The following RHOT1 variants were observed in gnomAD, a reference collection of about 807,000 sequenced individuals.
RHOT1 encodes mitochondrial Rho GTPase 1.
In RHOT1, 27 loss-of-function variants were observed where a neutral mutation model predicts 95.3. The observed-to-expected ratio is 0.28, with a 90% CI of 0.21 to 0.39. The LOEUF (loss-of-function observed/expected upper bound fraction) is 0.39. Ranked by LOEUF, RHOT1 falls within the 10% of genes least tolerant of loss-of-function variation. The pLI is 1.00. For synonymous variants in RHOT1, 227 were observed against 263.5 expected (o/e 0.86, Z 1.34); for missense variants, 578 against 786.7 (o/e 0.73, Z 3.17).
At chr17:32,158,028 G>A (rs2033139479) in intron 1 of RHOT1, among the ~76,000 whole-genome samples, 1 of 152,090 alleles carries the variant, frequency 6.6e-6, no homozygotes, top group Non-Finnish European at 1.5e-5. Flanking sequence ...GCTAGTTTTT[G>A]TATTTCTTAT....
intron 1 of RHOT1, among the ~76,000 whole-genome samples, chr17:32,149,591 C>CTATATATATATA (rs1162059092): frequency 6.1e-4 from 32 of 52,686 alleles, no homozygotes; most frequent in Admixed American, 1.1e-3. Context: ...CCCAGCAGTT[C>CTATATATATATA]TATATATATA....
At chr17:32,208,387 C>T (rs58319842) in intron 18 of RHOT1, 78 bp downstream of exon 18, 1 of 1,319,382 alleles carries the variant, frequency 7.6e-7, no homozygotes, top group South Asian at 1.2e-5. Flanking sequence ...AAGGGAATAT[C>T]TTTGTCACAT....
intron 1 of RHOT1, among the ~76,000 whole-genome samples, chr17:32,147,545 C>T (rs1452754669): frequency 1.3e-5 from 2 of 151,904 alleles, no homozygotes; most frequent in Non-Finnish European, 1.5e-5. Flanking sequence ...TTAAACTGGC[C>T]GGGCGCGGTG....
chr17:32,218,819 A>G (rs2038650429), intron 19 of RHOT1, among the ~76,000 whole-genome samples: 2 of 152,252 alleles, frequency 1.3e-5, no homozygotes, highest in African/African-American at 4.8e-5. Flanking sequence ...GTCTCTGAAT[A>G]AATAAATAAA....
chr17:32,204,637 A>T (rs2037572302), intron 16 of RHOT1, among the ~76,000 whole-genome samples: 1 of 149,144 alleles, frequency 6.7e-6, no homozygotes, highest in African/African-American at 2.6e-5. Flanking sequence ...AAAAAAATTA[A>T]AAAAAAAATT....
intron 18 of RHOT1, chr17:32,209,529 T>C: frequency 4.9e-6 from 4 of 820,422 alleles, no homozygotes; most frequent in Non-Finnish European, 8.0e-6. Context: ...CTTGCCATAA[T>C]TAACATTTAG....
At chr17:32,193,321 A>G in intron 10 of RHOT1, 77 bp downstream of exon 10, 1 of 855,970 alleles carries the variant, frequency 1.2e-6, no homozygotes, top group African/African-American at 1.7e-5. Flanking sequence ...TCTTTATTGC[A>G]TTATTTATAC....
intron 5 of RHOT1, 21 bp from the exon 6 acceptor site, chr17:32,176,140 G>T: frequency 2.5e-6 from 4 of 1,608,408 alleles, no homozygotes; most frequent in Non-Finnish European, 3.4e-6. Context: ...ATGGCTAAGC[G>T]CTTGTTAATT....
chr17:32,190,888 C>T (rs868482136), intron 8 of RHOT1, among the ~76,000 whole-genome samples: 10 of 152,124 alleles, frequency 6.6e-5, no homozygotes, highest in African/African-American at 2.2e-4. Context: ...CTCTGCCTCC[C>T]GGGTTCAAGC....
chr17:32,152,419 A>T (rs560191559), intron 1 of RHOT1, among the ~76,000 whole-genome samples: 1 of 152,354 alleles, frequency 6.6e-6, no homozygotes, highest in East Asian at 1.9e-4. Flanking sequence ...TCCATGGGAA[A>T]AGCAGAAGGA....
At position 32,199,516 on chromosome 17, in the gene RHOT1, T is replaced by C. The variant is rs1264906557; in HGVS notation, c.1066T>C (p.Trp356Arg). ...CACAGTTTGTACCAATGAAAGAGGC[T>C]GGATAACCTACCAGGGATTCCTTTC... is the stretch of plus-strand genomic sequence containing the variant. ...NNTVCTNERG[W>R]ITYQGFLSQW... Residue 356 changes from tryptophan (W) to arginine (R), a missense_variant, in exon 13 of 20, where the codon TGG (tryptophan) becomes CGG (arginine). Physicochemically the swap from Trp to Arg is moderately radical, Grantham distance 101. Coordinates refer to ENST00000545287, the MANE Select transcript of RHOT1 (RefSeq NM_001033566.3). The C allele has an allele frequency of 1.2e-6, 2 of 1,612,318 alleles. No homozygotes were observed. The highest frequency in any genetic ancestry group is 1.7e-6 in the Non-Finnish European group (2 of 1,179,648).
intron 9 of RHOT1, among the ~76,000 whole-genome samples, chr17:32,192,786 C>G (rs2036595046): frequency 6.6e-6 from 1 of 152,050 alleles, no homozygotes; most frequent in Non-Finnish European, 1.5e-5. Context: ...ATTCTCCTGC[C>G]TCAGCCTCCC....
At chr17:32,149,129 C>T (rs771934422) in intron 1 of RHOT1, among the ~76,000 whole-genome samples, 2 of 152,064 alleles carry the variant, frequency 1.3e-5, no homozygotes, top group Non-Finnish European at 2.9e-5. Flanking sequence ...GACCATTAGT[C>T]GGTTGGCTAA....
intron 19 of RHOT1, among the ~76,000 whole-genome samples, chr17:32,222,224 T>A (rs2038878481): frequency 6.6e-6 from 1 of 152,236 alleles, no homozygotes; most frequent in Admixed American, 6.5e-5. Context: ...CTGCATTGAC[T>A]TGGAGTTGTA....
intron 1 of RHOT1, among the ~76,000 whole-genome samples, chr17:32,153,139 T>G (rs2032533920): frequency 6.6e-6 from 1 of 151,506 alleles, no homozygotes; most frequent in African/African-American, 2.4e-5. Context: ...AAAAGGTAGG[T>G]TTTTTTTTCT....
chr17:32,154,940 G>A (rs1158243732), intron 1 of RHOT1, among the ~76,000 whole-genome samples: 1 of 151,528 alleles, frequency 6.6e-6, no homozygotes, highest in Non-Finnish European at 1.5e-5. Context: ...AATTAGCTGA[G>A]TGACGGAGTG....
chr17:32,171,197 C>A, intron 2 of RHOT1, 96 bp downstream of exon 2: 1 of 833,520 alleles, frequency 1.2e-6, no homozygotes, highest in Non-Finnish European at 1.9e-6. Context: ...GTGTTATGTG[C>A]TTCCTTTTGG....
intron 2 of RHOT1, among the ~76,000 whole-genome samples, chr17:32,171,891 G>A (rs953654235): frequency 6.6e-6 from 1 of 152,160 alleles, no homozygotes; most frequent in African/African-American, 2.4e-5. Flanking sequence ...TAATAGCAGG[G>A]AAGTGCCACC....
Position 32,224,789 on chromosome 17 carries a change from T to G in RHOT1, c.*56T>G. ...CAAATACTTTTATGTACATTCTGAATGCTTTAAGTTCTGCTAGAATTATTG... is the reference window on the plus strand; with the variant it reads ...CAAATACTTTTATGTACATTCTGAAGGCTTTAAGTTCTGCTAGAATTATTG... On this transcript the variant is annotated 3_prime_UTR_variant, in exon 20 of 20. Coordinates refer to ENST00000545287, the MANE Select transcript of RHOT1 (RefSeq NM_001033566.3). 3 of 1,013,820 alleles carry G rather than the reference T, an allele frequency of 3.0e-6. No homozygotes were observed. Among genetic ancestry groups the G allele is most frequent in the Non-Finnish European group, 4.5e-6 (3 of 665,136 alleles). 62.8% of individuals were successfully genotyped at this position (1,013,820 alleles called of 1,614,324 possible).
Sources: gnomAD v4.1 joint callset for allele counts (sites outside exome capture counted in the v4.1 genomes callset) on GRCh38, gnomAD v4.1.1 for gene constraint, MANE v1.5 for transcripts, NCBI Gene and HGNC (gene_info 2026-07-23, HGNC 2026-07-21) for gene names.